CUEDC1: variants seen among roughly 807,000 people sequenced by gnomAD.
The protein encoded by CUEDC1 is CUE domain-containing protein 1.
Under a neutral mutation model 43.7 loss-of-function variants are expected in CUEDC1, and 30 were observed. The ratio of observed to expected loss-of-function variants is 0.69; its 90% CI spans 0.51 to 0.93. CUEDC1 has a LOEUF of 0.93. CUEDC1 is among the 40% of genes least tolerant of loss of function. The probability of loss-of-function intolerance (pLI) is 0.00; values close to 1 mark genes in which losing one functional copy is unlikely to be tolerated. For missense variants in CUEDC1, 486 were observed against 549.0 expected (o/e 0.89, Z 1.15); for synonymous variants, 223 against 223.6 (o/e 1.00, Z 0.02).
In CUEDC1 at chr17:57,872,813, G is replaced by T. The variant is rs758027358; in HGVS notation, c.634C>A (p.Pro212Thr). 2.5e-6 allele frequency: 4 copies of T among 1,614,152 alleles called. No individual in the cohort carries two copies. The highest frequency in any genetic ancestry group is 3.4e-6 in the Non-Finnish European group (4 of 1,180,012). Residue 212 changes from proline (P) to threonine (T), a missense_variant, in exon 5 of 11, where the codon CCA (proline) becomes ACA (threonine). Physicochemically the swap from Pro to Thr is conservative, Grantham distance 38. Coordinates refer to ENST00000577830, the MANE Select transcript of CUEDC1 (RefSeq NM_001271875.2). ...GGCCCTGGCCCAGCCATGGCAGGTG[G>T]ACATCCCTCTCCACTCCCAGGCTTG... ...GPKPGSGEGC[P>T]PAMAGPGPGD...
At chr17:57,866,391 C>T in intron 10 of CUEDC1, 83 bp downstream of exon 10, 1 of 1,341,102 alleles carries the variant, frequency 7.5e-7, no homozygotes, top group Non-Finnish European at 1.1e-6. Context: ...CGCCTCTGGA[C>T]ACCTGGGAGG....
intron 1 of CUEDC1, among the ~76,000 whole-genome samples, chr17:57,936,583 G>A (rs779588605): frequency 3.5e-4 from 53 of 152,088 alleles, no homozygotes; most frequent in Non-Finnish European, 6.5e-4. Context: ...GATGGGCAGC[G>A]GGAGGAGAGG....
intron 1 of CUEDC1, among the ~76,000 whole-genome samples, chr17:57,896,924 C>T (rs2074417422): frequency 6.6e-6 from 1 of 151,862 alleles, no homozygotes; most frequent in African/African-American, 2.4e-5. Flanking sequence ...TGCGTGCCAC[C>T]ATGCCAAACT....
intron 3 of CUEDC1, among the ~76,000 whole-genome samples, chr17:57,877,737 T>C (rs565400603): frequency 5.9e-5 from 9 of 151,726 alleles, no homozygotes; most frequent in African/African-American, 2.2e-4. Flanking sequence ...ATACAAAAGT[T>C]AGCCGGGTGT....
chr17:57,896,487 G>GGGGGGGGTGTGTGTGT (rs375270781), intron 1 of CUEDC1, among the ~76,000 whole-genome samples: 2 of 130,282 alleles, frequency 1.5e-5, no homozygotes, highest in South Asian at 2.5e-4. Flanking sequence ...TGCATTATGG[G>GGGGGGGGTGTGTGTGT]GTGTGTGTGT....
chr17:57,877,597 G>T (rs9899232), intron 3 of CUEDC1, among the ~76,000 whole-genome samples: 76,022 of 147,766 alleles, frequency 0.51, 21,410 homozygotes, highest in African/African-American at 0.74. Flanking sequence ...AAAAAAAGGT[G>T]GGGGTGGGGA....
chr17:57,867,474 C>T, intron 8 of CUEDC1, 59 bp from the exon 9 acceptor site: 1 of 1,447,680 alleles, frequency 6.9e-7, no homozygotes, highest in Non-Finnish European at 9.5e-7. Flanking sequence ...CTAGTCCTCC[C>T]AGTCCCACTG....
At chr17:57,874,831 T>C (rs2074090949) in intron 3 of CUEDC1, among the ~76,000 whole-genome samples, 2 of 150,294 alleles carry the variant, frequency 1.3e-5, no homozygotes, top group African/African-American at 4.9e-5. Context: ...TAACTTCCTT[T>C]CCTTTTCTAT....
chr17:57,864,715 G>A (rs1043415858), intron 10 of CUEDC1, among the ~76,000 whole-genome samples: 7 of 152,092 alleles, frequency 4.6e-5, no homozygotes, highest in Admixed American at 3.9e-4. Flanking sequence ...ATGTCAACTT[G>A]CAGAAGGAGC....
At chr17:57,871,005 C>T (rs1386664560) in intron 6 of CUEDC1, among the ~76,000 whole-genome samples, 1 of 152,196 alleles carries the variant, frequency 6.6e-6, no homozygotes, top group Admixed American at 6.5e-5. Context: ...CTAGCCTACA[C>T]TCGAGGCATA....
At chr17:57,894,246 C>G (rs552003594) in intron 1 of CUEDC1, among the ~76,000 whole-genome samples, 2,060 of 152,348 alleles carry the variant, frequency 0.014, 64 homozygotes, top group African/African-American at 0.048. Flanking sequence ...TGGGGGCAGC[C>G]CCTGCCTTCC....
At chr17:57,922,875 CTCTCT>C (rs2074710957) in intron 1 of CUEDC1, among the ~76,000 whole-genome samples, 1 of 145,846 alleles carries the variant, frequency 6.9e-6, no homozygotes, top group Non-Finnish European at 1.5e-5. Flanking sequence ...ATTTCTCCCT[CTCTCT>C]TTTTTTTTTT....
chr17:57,931,086 C>G (rs1259470671), intron 1 of CUEDC1, among the ~76,000 whole-genome samples: 1 of 151,988 alleles, frequency 6.6e-6, no homozygotes. Context: ...CTCAGGAGTT[C>G]GAGACCAGTC....
chr17:57,877,089 G>A (rs1321135982), intron 3 of CUEDC1, among the ~76,000 whole-genome samples: 1 of 152,216 alleles, frequency 6.6e-6, no homozygotes, highest in East Asian at 1.9e-4. Context: ...CACAAGTCAA[G>A]TTCTCCTCAG....
chr17:57,900,774 G>C (rs1239846524), intron 1 of CUEDC1, among the ~76,000 whole-genome samples: 2 of 152,182 alleles, frequency 1.3e-5, no homozygotes, highest in Admixed American at 6.5e-5. Context: ...GCATTTTAAA[G>C]CCTGGGTTTA....
chr17:57,915,606 G>C (rs1567716141), intron 1 of CUEDC1, among the ~76,000 whole-genome samples: 1 of 152,212 alleles, frequency 6.6e-6, no homozygotes, highest in African/African-American at 2.4e-5. Context: ...CTGAGCAACA[G>C]CTCAGGCAGA....
At chr17:57,864,807 A>G (rs896163936) in intron 10 of CUEDC1, among the ~76,000 whole-genome samples, 2 of 152,164 alleles carry the variant, frequency 1.3e-5, no homozygotes, top group African/African-American at 2.4e-5. Flanking sequence ...TAATCCTAGC[A>G]CTTTGGGAGG....
At chr17:57,904,714 A>G (rs73314257) in intron 1 of CUEDC1, among the ~76,000 whole-genome samples, 1,867 of 152,194 alleles carry the variant, frequency 0.012, 35 homozygotes, top group African/African-American at 0.041. Context: ...TCCTTTGGCA[A>G]TTACAAAGTA....
chr17:57,927,743 T>C (rs1351742770), intron 1 of CUEDC1, among the ~76,000 whole-genome samples: 2 of 152,258 alleles, frequency 1.3e-5, no homozygotes, highest in African/African-American at 4.8e-5. Context: ...ACAAAGACAG[T>C]GCAAGTTCTT....
Sources: allele counts gnomAD v4.1 joint callset (sites outside exome capture counted in the v4.1 genomes callset), GRCh38; gene constraint gnomAD v4.1.1; transcripts MANE v1.5; gene names NCBI Gene and HGNC (gene_info 2026-07-23, HGNC 2026-07-21).